Variants in ZC2HC1A observed in about 807,000 individuals in gnomAD.
ZC2HC1A encodes zinc finger C2HC domain-containing protein 1A.
ZC2HC1A carries 28 observed loss-of-function variants against 40.7 expected under a neutral mutation model. The observed-to-expected ratio is 0.69, with a 90% CI of 0.51 to 0.94. The LOEUF is 0.94. ZC2HC1A is among the 40% of genes least tolerant of loss of function. ZC2HC1A has a pLI of 0.00. For missense variants in ZC2HC1A, 389 were observed against 386.3 expected, an observed-to-expected ratio of 1.01 and a Z score of -0.06; for synonymous variants, 129 against 129.2, an observed-to-expected ratio of 1.00 and a Z score of 0.01.
intron 3 of ZC2HC1A, among the ~76,000 whole-genome samples, chr8:78,685,080 A>G (rs892687111): frequency 2.6e-5 from 4 of 152,296 alleles, no homozygotes; most frequent in East Asian, 3.9e-4. Flanking sequence ...TAATGTCTCA[A>G]TATTGAAAAT....
At chr8:78,711,962 A>G (rs1461971848) in intron 7 of ZC2HC1A, 3 of 1,260,154 alleles carry the variant, frequency 2.4e-6, no homozygotes, top group African/African-American at 3.1e-5. Context: ...CAATCTCCTT[A>G]TGGGTACACC....
intron 7 of ZC2HC1A, among the ~76,000 whole-genome samples, chr8:78,701,677 G>C (rs970282500): frequency 1.3e-5 from 2 of 152,158 alleles, no homozygotes. Context: ...GCAATACCTA[G>C]TTTATTGAGA....
chr8:78,700,555 G>A (rs1191829005), intron 7 of ZC2HC1A, among the ~76,000 whole-genome samples: 1 of 152,026 alleles, frequency 6.6e-6, no homozygotes. Context: ...ATTGCTTTTG[G>A]CATCTTCATT....
At chr8:78,681,317 A>G (rs1302506568) in intron 3 of ZC2HC1A, among the ~76,000 whole-genome samples, 1 of 152,230 alleles carries the variant, frequency 6.6e-6, no homozygotes, top group Admixed American at 6.5e-5. Context: ...ATATTAGCTC[A>G]GCATTGATAA....
Position 78,680,208 on chromosome 8 carries a change from A to G in ZC2HC1A, c.210+1529A>G, listed in dbSNP as rs541972008. Among the ~76,000 whole-genome samples, 7 of 146,864 alleles carry G rather than the reference A, an allele frequency of 4.8e-5. No individual in the cohort carries two copies. In the East Asian group the frequency reaches 1.4e-3, roughly 30 times the overall value. ...TTCTTTTATAAGGAATTGGGGTTGT[A>G]AACTTAAAAATTGAATTCTAGAAAA... On this transcript the variant is annotated intron_variant, in intron 3 of 8. Transcript: ENST00000263849.
chr8:78,702,555 GGTT>G lies in ZC2HC1A; in HGVS notation c.704+4046_704+4048del, dbSNP rs143681715. 9.2e-4 allele frequency among the ~76,000 whole-genome samples: 140 copies of G among 152,054 alleles called. 4 individuals carry two copies. In the East Asian group the frequency reaches 0.023, roughly 25 times the overall value. On this transcript the variant is annotated intron_variant, in intron 7 of 8. Coordinates refer to ENST00000263849, the MANE Select transcript of ZC2HC1A (RefSeq NM_016010.3). ...TCTAGTTCTTTTAGTTGTGATCTTT[GGTT>G]GTTAACTTGAGATCTTTCTAACTTT...
At chr8:78,714,110 G>A (rs1265679729) in intron 7 of ZC2HC1A, among the ~76,000 whole-genome samples, 2 of 152,112 alleles carry the variant, frequency 1.3e-5, no homozygotes, top group Non-Finnish European at 2.9e-5. Context: ...ATATAACACT[G>A]TTCACCTGTG....
At chr8:78,696,161 A>G (rs1810404356) in intron 5 of ZC2HC1A, among the ~76,000 whole-genome samples, 1 of 151,816 alleles carries the variant, frequency 6.6e-6, no homozygotes, top group Non-Finnish European at 1.5e-5. Flanking sequence ...CAGCCTCCTG[A>G]GTAGCTGGGA....
chr8:78,693,814 G>A (rs558295049), intron 5 of ZC2HC1A, among the ~76,000 whole-genome samples: 119 of 152,194 alleles, frequency 7.8e-4, no homozygotes, highest in Non-Finnish European at 1.5e-3. Flanking sequence ...GCCCATGCCT[G>A]TGTCCTGAAT....
intron 7 of ZC2HC1A, among the ~76,000 whole-genome samples, chr8:78,714,151 A>G (rs1217645396): frequency 6.6e-6 from 1 of 152,132 alleles, no homozygotes; most frequent in Non-Finnish European, 1.5e-5. Context: ...AGCTCTATAG[A>G]GAGGGAGGGA....
chr8:78,713,317 TTAA>T (rs879401259), intron 7 of ZC2HC1A, among the ~76,000 whole-genome samples: 1 of 152,132 alleles, frequency 6.6e-6, no homozygotes, highest in Non-Finnish European at 1.5e-5. Context: ...TTGGTAGCTA[TTAA>T]TGATGATAAT....
chr8:78,683,204 C>T (rs768040715), intron 3 of ZC2HC1A, among the ~76,000 whole-genome samples: 4 of 152,250 alleles, frequency 2.6e-5, no homozygotes, highest in Non-Finnish European at 5.9e-5. Context: ...CCTCTTCTCA[C>T]AGCTCCACTA....
intron 3 of ZC2HC1A, among the ~76,000 whole-genome samples, chr8:78,682,456 G>A (rs536651498): frequency 2.6e-5 from 4 of 152,194 alleles, no homozygotes; most frequent in African/African-American, 4.8e-5. Flanking sequence ...CTTACATGGC[G>A]GCAGACAAGA....
At chr8:78,671,222 A>G (rs1809430328) in intron 1 of ZC2HC1A, among the ~76,000 whole-genome samples, 2 of 152,226 alleles carry the variant, frequency 1.3e-5, no homozygotes, top group African/African-American at 4.8e-5. Flanking sequence ...TAAAGATACC[A>G]TTTCAAGTCT....
intron 7 of ZC2HC1A, among the ~76,000 whole-genome samples, chr8:78,705,120 C>T (rs1810730897): frequency 6.6e-6 from 1 of 152,222 alleles, no homozygotes; most frequent in East Asian, 1.9e-4. Context: ...GTCTCAGCCT[C>T]AGCCTGATTC....
At chr8:78,694,796 G>C (rs1810346150) in intron 5 of ZC2HC1A, among the ~76,000 whole-genome samples, 2 of 152,080 alleles carry the variant, frequency 1.3e-5, no homozygotes, top group African/African-American at 4.8e-5. Context: ...AGATTTGTGA[G>C]CAGCATAAAA....
At chr8:78,686,872 T>A (rs1490721945) in intron 4 of ZC2HC1A, among the ~76,000 whole-genome samples, 9 of 152,102 alleles carry the variant, frequency 5.9e-5, no homozygotes, top group Admixed American at 5.9e-4. Context: ...ATTATTATAG[T>A]AACTATTAAA....
chr8:78,706,080 T>C (rs1015783774), intron 7 of ZC2HC1A, among the ~76,000 whole-genome samples: 4 of 152,060 alleles, frequency 2.6e-5, no homozygotes, highest in African/African-American at 9.7e-5. Context: ...CTGCCTCTGG[T>C]TGGTTTGTAC....
At chr8:78,698,708 T>C (rs188996960) in intron 7 of ZC2HC1A, among the ~76,000 whole-genome samples, 195 bp downstream of exon 7, 1 of 152,350 alleles carries the variant, frequency 6.6e-6, no homozygotes, top group Admixed American at 6.5e-5. Context: ...AATAATCTGG[T>C]ATTAAAAGCC....
Sources: gnomAD v4.1 joint callset for allele counts (sites outside exome capture counted in the v4.1 genomes callset) on GRCh38, gnomAD v4.1.1 for gene constraint, MANE v1.5 for transcripts, NCBI Gene and HGNC (gene_info 2026-07-23, HGNC 2026-07-21) for gene names.